The following EYA4 variants were observed in gnomAD, a reference collection of about 807,000 sequenced individuals.
EYA4 encodes the protein EYA transcriptional coactivator and phosphatase 4.
In EYA4, 31 loss-of-function variants were observed where a neutral mutation model predicts 87.9. That is an observed-to-expected ratio of 0.35 (90% CI 0.27 to 0.48). The LOEUF (loss-of-function observed/expected upper bound fraction) is 0.48, where lower values mean the gene tolerates loss of function less well. Among genes scored for constraint, EYA4 ranks in the 20% least tolerant of loss-of-function variants. The probability of loss-of-function intolerance (pLI) is 0.99; values close to 1 mark genes in which losing one functional copy is unlikely to be tolerated. For missense variants in EYA4, 678 were observed against 761.4 expected (o/e 0.89, Z 1.29); for synonymous variants, 263 against 270.6 (o/e 0.97, Z 0.28).
chr6:133,453,027 A>G (rs1004818823), intron 5 of EYA4: 1 of 152,112 alleles, frequency 6.6e-6, no homozygotes, highest in Non-Finnish European at 1.5e-5. Context: ...TATTGCATGT[A>G]ATGATTTTGG....
At chr6:133,500,477 G>A (rs1257688299) in intron 13 of EYA4, among the ~76,000 whole-genome samples, 1 of 152,052 alleles carries the variant, frequency 6.6e-6, no homozygotes, top group Admixed American at 6.6e-5. Flanking sequence ...TCTCAAGTGG[G>A]TGCAAGCACT....
At chr6:133,392,680 A>G (rs147768644) in intron 3 of EYA4, among the ~76,000 whole-genome samples, 1 of 152,348 alleles carries the variant, frequency 6.6e-6, no homozygotes, top group East Asian at 1.9e-4. Flanking sequence ...GAACAAATAC[A>G]TGCATATAAA....
intron 2 of EYA4, among the ~76,000 whole-genome samples, chr6:133,281,625 A>AT (rs1425533459): frequency 3.0e-5 from 4 of 132,904 alleles, no homozygotes; most frequent in Admixed American, 1.6e-4. Flanking sequence ...TTAAACTTCA[A>AT]CTTAGTTTAG....
chr6:133,333,082 C>A (rs1167410975), intron 2 of EYA4, among the ~76,000 whole-genome samples: 1 of 152,148 alleles, frequency 6.6e-6, no homozygotes, highest in East Asian at 1.9e-4. Flanking sequence ...TTTAGACCTA[C>A]CATGTGCCAA....
At chr6:133,331,814 G>C (rs944983866) in intron 2 of EYA4, among the ~76,000 whole-genome samples, 1 of 152,198 alleles carries the variant, frequency 6.6e-6, no homozygotes, top group Non-Finnish European at 1.5e-5. Context: ...CTTTTTCAGA[G>C]TAATTTGGGG....
At chr6:133,443,455 A>G (rs114030296) in intron 3 of EYA4, among the ~76,000 whole-genome samples, 1 of 152,022 alleles carries the variant, frequency 6.6e-6, no homozygotes, top group East Asian at 1.9e-4. Flanking sequence ...CCCTTTCAAA[A>G]TCATTGGTAT....
At chr6:133,321,838 G>A (rs1194761093) in intron 2 of EYA4, among the ~76,000 whole-genome samples, 1 of 152,130 alleles carries the variant, frequency 6.6e-6, no homozygotes, top group Non-Finnish European at 1.5e-5. Context: ...CATCCTAGGT[G>A]TGTCCTCTCT....
At chr6:133,390,844 A>T (rs568541447) in intron 3 of EYA4, among the ~76,000 whole-genome samples, 1 of 152,318 alleles carries the variant, frequency 6.6e-6, no homozygotes, top group East Asian at 1.9e-4. Flanking sequence ...ACCAGAGTGC[A>T]GTTTGAGCAC....
At chr6:133,308,283 T>A (rs1779960484) in intron 2 of EYA4, among the ~76,000 whole-genome samples, 1 of 152,204 alleles carries the variant, frequency 6.6e-6, no homozygotes, top group Non-Finnish European at 1.5e-5. Context: ...TTACAGATGA[T>A]ATAGCTAGGA....
rs727503052 is a variant in EYA4, at chr6:133,481,589, G to A, written c.1097G>A (p.Ser366Asn). Residue 366 changes from serine to asparagine, a missense_variant, in exon 12 of 20, where the codon AGT (serine) becomes AAT (asparagine). Ser to Asn is a conservative substitution (Grantham distance 46). Transcript: ENST00000355286. ...AATAATCCCTCCCCGCCTCCTGATA[G>A]TGACCTGGAGGTATGCCTACTCATT... ...RKNNPSPPPD[S>N]DLERVFVWDL... 6.2e-7 allele frequency: 1 copy of A among 1,613,974 alleles called. No homozygotes were observed. The highest frequency in any genetic ancestry group is 1.7e-4 in the Middle Eastern group (1 of 6,060).
chr6:133,475,550 A>C, intron 11 of EYA4, among the ~76,000 whole-genome samples: 1 of 152,108 alleles, frequency 6.6e-6, no homozygotes, highest in African/African-American at 2.4e-5. Flanking sequence ...GCCTTTTGAT[A>C]ACTTCATGGT....
At chr6:133,442,478 G>GT (rs930780654) in intron 3 of EYA4, among the ~76,000 whole-genome samples, 3 of 151,510 alleles carry the variant, frequency 2.0e-5, no homozygotes, top group Admixed American at 6.6e-5. Context: ...ATTTTTTAGG[G>GT]TTTTTTTTAG....
chr6:133,511,339 T>A (rs1189027075), intron 14 of EYA4, among the ~76,000 whole-genome samples: 2 of 152,100 alleles, frequency 1.3e-5, no homozygotes, highest in African/African-American at 4.8e-5. Context: ...AAATTAATTT[T>A]GAATGCTAAG....
At chr6:133,248,228 G>A (rs1159593274) in intron 1 of EYA4, 1 of 152,152 alleles carries the variant, frequency 6.6e-6, no homozygotes, top group Non-Finnish European at 1.5e-5. Flanking sequence ...CATGACTTTA[G>A]ATTTTCACGT....
chr6:133,379,203 T>C (rs939835732), intron 2 of EYA4, among the ~76,000 whole-genome samples: 2 of 152,048 alleles, frequency 1.3e-5, no homozygotes, highest in African/African-American at 4.8e-5. Flanking sequence ...ACTAGGGAGT[T>C]TGAGACTGTA....
At chr6:133,315,728 G>A (rs953214930) in intron 2 of EYA4, among the ~76,000 whole-genome samples, 1 of 152,130 alleles carries the variant, frequency 6.6e-6, no homozygotes, top group Non-Finnish European at 1.5e-5. Flanking sequence ...GTGAATGATG[G>A]TGAGAAATGT....
At chr6:133,397,774 AG>A (rs1787926179) in intron 3 of EYA4, among the ~76,000 whole-genome samples, 2 of 152,198 alleles carry the variant, frequency 1.3e-5, no homozygotes, top group African/African-American at 4.8e-5. Flanking sequence ...TTATGGCGGA[AG>A]GCAAAAGGCA....
At chr6:133,481,709 C>T in intron 12 of EYA4, 110 bp downstream of exon 12, 1 of 1,268,282 alleles carries the variant, frequency 7.9e-7, no homozygotes, top group Non-Finnish European at 1.1e-6. Flanking sequence ...CAAGATATAT[C>T]ATGAATTGAA....
At chr6:133,523,502 A>C (rs1471567516) in intron 18 of EYA4, among the ~76,000 whole-genome samples, 1 of 152,230 alleles carries the variant, frequency 6.6e-6, no homozygotes, top group Non-Finnish European at 1.5e-5. Flanking sequence ...GCATCCTTGC[A>C]TATGCAGTAA....
Sources: gnomAD v4.1 joint callset for allele counts (sites outside exome capture counted in the v4.1 genomes callset) on GRCh38, gnomAD v4.1.1 for gene constraint, MANE v1.5 for transcripts, NCBI Gene and HGNC (gene_info 2026-07-23, HGNC 2026-07-21) for gene names.